Variants in ZFHX3 observed in about 807,000 individuals in gnomAD.
ZFHX3 encodes the protein zinc finger homeobox 3, also known as zinc finger homeobox protein 3.
Under a neutral mutation model 279.1 loss-of-function variants are expected in ZFHX3, and 42 were observed. That is an observed-to-expected ratio of 0.15 (90% confidence interval 0.12 to 0.19). The LOEUF (loss-of-function observed/expected upper bound fraction) is 0.19, where lower values mean the gene tolerates loss of function less well. Among genes scored for constraint, ZFHX3 ranks in the 10% least tolerant of loss-of-function variants. ZFHX3 has a pLI of 1.00. For synonymous variants in ZFHX3, 2,293 were observed against 1,957.8 expected, an observed-to-expected ratio of 1.17 and a Z score of -4.52; for missense variants, 4,981 against 4,754.0, an observed-to-expected ratio of 1.05 and a Z score of -1.40.
At chr16:73,729,252 C>T (rs924399024) in intron 1 of ZFHX3, among the ~76,000 whole-genome samples, 1 of 152,136 alleles carries the variant, frequency 6.6e-6, no homozygotes, top group Non-Finnish European at 1.5e-5. Context: ...CCGGCAATGG[C>T]GTGGAGGCTC....
In ZFHX3 at chr16:72,957,823, C is replaced by T; in HGVS notation, c.2323G>A (p.Ala775Thr). ...GCCGCCGCCGCCGCAGCCACCGCCG[C>T]CGCCGCCGCCCCGGCAGTGTGGCTG... is the stretch of plus-strand genomic sequence containing the variant. Reference protein sequence around the residue: ...VFSHTAGAAAAAVAAAAAAAN... With the variant: ...VFSHTAGAAATAVAAAAAAAN... The change falls in exon 2 of 10, where the codon GCG (alanine) becomes ACG (threonine). Residue 775 changes from alanine to threonine, a missense_variant. Around this residue, in one of 7 missense-constraint regions of ZFHX3, gnomAD observed 1,751 missense variants for 1,770.0 expected, o/e 0.99. Transcript: ENST00000268489. 1 of 1,607,398 alleles carries T rather than the reference C, an allele frequency of 6.2e-7. No homozygotes were observed. The highest frequency in any genetic ancestry group is 8.5e-7 in the Non-Finnish European group (1 of 1,176,302).
chr16:73,816,315 A>G (rs897174154), intron 1 of ZFHX3, among the ~76,000 whole-genome samples: 1 of 152,200 alleles, frequency 6.6e-6, no homozygotes, highest in African/African-American at 2.4e-5. Context: ...AAGGAAGTCA[A>G]TGAGAAAGGG....
intron 3 of ZFHX3, among the ~76,000 whole-genome samples, chr16:72,919,468 T>A (rs570117511): frequency 2.2e-4 from 34 of 152,210 alleles, no homozygotes; most frequent in African/African-American, 8.2e-4. Flanking sequence ...GCATATTTTG[T>A]ACTTCAAAGG....
intron 1 of ZFHX3, among the ~76,000 whole-genome samples, chr16:73,027,010 C>T (rs1964536340): frequency 6.6e-6 from 1 of 152,232 alleles, no homozygotes; most frequent in South Asian, 2.1e-4. Flanking sequence ...CTCACCTACA[C>T]CACATGATAG....
intron 4 of ZFHX3, among the ~76,000 whole-genome samples, chr16:73,288,164 C>G (rs886999598): frequency 2.1e-4 from 32 of 151,104 alleles, no homozygotes; most frequent in African/African-American, 6.8e-4. Context: ...TTGCCTGTCA[C>G]CCCATGGAGG....
chr16:73,270,813 G>C (rs2014122896), intron 4 of ZFHX3, among the ~76,000 whole-genome samples: 1 of 152,158 alleles, frequency 6.6e-6, no homozygotes, highest in African/African-American at 2.4e-5. Context: ...CAATTGCATG[G>C]TACCCACTGC....
intron 1 of ZFHX3, among the ~76,000 whole-genome samples, chr16:73,698,962 G>A (rs1448245852): frequency 6.6e-6 from 1 of 152,066 alleles, no homozygotes; most frequent in Admixed American, 6.6e-5. Context: ...TCGGCTTACT[G>A]CAACCTCCAC....
At chr16:73,407,160 A>C (rs2017376544) in intron 3 of ZFHX3, among the ~76,000 whole-genome samples, 1 of 152,182 alleles carries the variant, frequency 6.6e-6, no homozygotes, top group South Asian at 2.1e-4. Flanking sequence ...AACATTCTAC[A>C]CTGCACAGGA....
intron 5 of ZFHX3, among the ~76,000 whole-genome samples, chr16:73,197,135 T>A (rs533909146): frequency 1.7e-4 from 26 of 152,316 alleles, no homozygotes; most frequent in African/African-American, 6.0e-4. Context: ...CTGCACAATA[T>A]CCACTTCTAA....
chr16:73,606,109 G>A (rs2052177345), intron 2 of ZFHX3, among the ~76,000 whole-genome samples: 1 of 144,138 alleles, frequency 6.9e-6, no homozygotes, highest in Admixed American at 7.1e-5. Flanking sequence ...GTGAACCCGG[G>A]AGGTGGAGCT....
chr16:73,156,859 A>G (rs62052409), intron 5 of ZFHX3, among the ~76,000 whole-genome samples: 28,258 of 152,044 alleles, frequency 0.19, 2,776 homozygotes, highest in Middle Eastern at 0.26. Flanking sequence ...GATTACAGGC[A>G]CGTGCCGCCA....
At chr16:72,892,344 C>T (rs1158308172) in intron 3 of ZFHX3, among the ~76,000 whole-genome samples, 1 of 152,160 alleles carries the variant, frequency 6.6e-6, no homozygotes, top group Admixed American at 6.5e-5. Flanking sequence ...GGGTGATTCA[C>T]ACACTCATAT....
intron 1 of ZFHX3, among the ~76,000 whole-genome samples, chr16:73,805,611 T>C (rs1277724013): frequency 6.6e-6 from 1 of 152,194 alleles, no homozygotes; most frequent in Non-Finnish European, 1.5e-5. Flanking sequence ...TGGGTGGAAA[T>C]CACTTATTCA....
chr16:73,617,728 T>C (rs975594279), intron 2 of ZFHX3, among the ~76,000 whole-genome samples: 1 of 152,206 alleles, frequency 6.6e-6, no homozygotes, highest in Non-Finnish European at 1.5e-5. Context: ...AACTGTGTTA[T>C]AAAAAAGTAT....
chr16:73,075,600 A>G (rs1965878868), intron 8 of ZFHX3, among the ~76,000 whole-genome samples: 1 of 152,064 alleles, frequency 6.6e-6, no homozygotes, highest in South Asian at 2.1e-4. Context: ...TAGAAAAGTG[A>G]ATACATACAA....
intron 5 of ZFHX3, among the ~76,000 whole-genome samples, chr16:73,236,089 G>C (rs910625929): frequency 6.6e-6 from 1 of 152,228 alleles, no homozygotes; most frequent in Non-Finnish European, 1.5e-5. Context: ...TCCTAGAACA[G>C]GTGTTTTGGC....
intron 3 of ZFHX3, among the ~76,000 whole-genome samples, chr16:72,934,669 C>T (rs60956443): frequency 0.019 from 2,505 of 134,964 alleles, 70 homozygotes; most frequent in African/African-American, 0.071. Flanking sequence ...CTCCCTTCAC[C>T]TTCATAACTC....
At chr16:72,819,391 CTG>C (rs2036713173) in intron 5 of ZFHX3, among the ~76,000 whole-genome samples, 1 of 152,218 alleles carries the variant, frequency 6.6e-6, no homozygotes. Flanking sequence ...ACGCTTGTCA[CTG>C]AGATCGCAGC....
chr16:73,184,127 T>A (rs1249256175), intron 5 of ZFHX3, among the ~76,000 whole-genome samples: 1 of 152,006 alleles, frequency 6.6e-6, no homozygotes, highest in South Asian at 2.1e-4. Flanking sequence ...CTCTTTCGGG[T>A]TGTGACCAGA....
Sources: allele counts gnomAD v4.1 joint callset (sites outside exome capture counted in the v4.1 genomes callset), GRCh38; gene constraint gnomAD v4.1.1; regional missense constraint gnomAD v4.1.1; transcripts MANE v1.5; gene names NCBI Gene and HGNC (gene_info 2026-07-23, HGNC 2026-07-21).